The following CACHD1 variants were observed in gnomAD, a reference collection of about 807,000 sequenced individuals.
CACHD1 encodes cache domain containing 1.
In CACHD1, 71 loss-of-function variants were observed where a neutral mutation model predicts 138.7. The observed-to-expected ratio is 0.51, with a 90% CI of 0.42 to 0.62. The LOEUF is 0.62. Among genes scored for constraint, CACHD1 ranks in the 20% least tolerant of loss-of-function variants. The pLI is 0.00. For missense variants in CACHD1, 1,389 were observed against 1,625.3 expected (o/e 0.85, Z 2.50); for synonymous variants, 578 against 591.5 (o/e 0.98, Z 0.33).
chr1:64,645,494 G>T (rs895088373), intron 8 of CACHD1, among the ~76,000 whole-genome samples: 2 of 151,964 alleles, frequency 1.3e-5, no homozygotes, highest in Non-Finnish European at 2.9e-5. Flanking sequence ...ATTTAAAAAA[G>T]AGTTTATTGT....
At chr1:64,544,681 CTG>C (rs999727483) in intron 1 of CACHD1, among the ~76,000 whole-genome samples, 3 of 151,156 alleles carry the variant, frequency 2.0e-5, no homozygotes, top group Non-Finnish European at 4.4e-5. Context: ...CTGTATTCAA[CTG>C]TTATTATGTG....
chr1:64,582,521 C>A (rs1647021041), intron 3 of CACHD1, among the ~76,000 whole-genome samples: 1 of 152,182 alleles, frequency 6.6e-6, no homozygotes, highest in Middle Eastern at 3.4e-3. Flanking sequence ...CCCTACTCAC[C>A]TTTTTCTCCT....
At position 64,676,001 on chromosome 1, in the gene CACHD1, AAT is replaced by A. The variant is rs1491559876; in HGVS notation, c.2975+20_2975+21del. 5,322 of 166,140 alleles carry A rather than the reference AAT, an allele frequency of 0.032. 248 individuals are homozygous for A. In the African/African-American group the frequency reaches 0.34, roughly 10 times the overall value. The allele number at this position is 166,140 out of a possible 1,614,324, so 10.3% of individuals were successfully genotyped here. On this transcript the variant is annotated intron_variant, in intron 21 of 26. Coordinates refer to ENST00000651257, the MANE Select transcript of CACHD1 (RefSeq NM_020925.4). Reference sequence around the variant, plus strand: ...GAGAACCGGTAAAATAATTAATAATAATAATAATAATAATAATAATAATAATA... The same window carrying A: ...GAGAACCGGTAAAATAATTAATAATAAATAATAATAATAATAATAATAATA...
intron 1 of CACHD1, among the ~76,000 whole-genome samples, chr1:64,488,165 A>G (rs1443385269): frequency 2.0e-5 from 3 of 152,202 alleles, no homozygotes; most frequent in African/African-American, 7.2e-5. Flanking sequence ...ACTAAAATAC[A>G]TGATTTTTAT....
chr1:64,529,303 A>G (rs1646563910), intron 1 of CACHD1, among the ~76,000 whole-genome samples: 1 of 152,100 alleles, frequency 6.6e-6, no homozygotes, highest in Non-Finnish European at 1.5e-5. Context: ...TGCGTCTTTC[A>G]TTTTGACTAG....
At chr1:64,541,094 A>G (rs1181381173) in intron 1 of CACHD1, among the ~76,000 whole-genome samples, 5 of 152,230 alleles carry the variant, frequency 3.3e-5, no homozygotes, top group Non-Finnish European at 7.3e-5. Flanking sequence ...TGTTGAGAGA[A>G]GGGGAACATT....
rs563964902 is a variant in CACHD1, at chr1:64,599,407, G to C, written c.411-3399G>C. 1.4e-3 allele frequency among the ~76,000 whole-genome samples: 215 copies of C among 152,248 alleles called. 2 individuals carry two copies. Among genetic ancestry groups the C allele is most frequent in the African/African-American group, 5.1e-3 (211 of 41,548 alleles). On this transcript the variant is annotated intron_variant, in intron 3 of 26. Transcript: ENST00000651257. ...AGGAGGAAGGACTCATCATGGGCCA[G>C]TACTAGGGAGAAATTTGAAAGAGGA...
chr1:64,586,088 G>A (rs1397042142), intron 3 of CACHD1, among the ~76,000 whole-genome samples: 1 of 152,082 alleles, frequency 6.6e-6, no homozygotes, highest in African/African-American at 2.4e-5. Context: ...TTTGGAGATA[G>A]AGTCTCACTC....
intron 2 of CACHD1, among the ~76,000 whole-genome samples, chr1:64,566,425 C>T (rs1646880746): frequency 1.4e-5 from 2 of 138,598 alleles, no homozygotes; most frequent in Admixed American, 1.7e-4. Context: ...GGTTAGAGAA[C>T]TGATTTGAAA....
At chr1:64,499,082 C>T (rs1646323350) in intron 1 of CACHD1, among the ~76,000 whole-genome samples, 1 of 152,202 alleles carries the variant, frequency 6.6e-6, no homozygotes. Flanking sequence ...GCTCCAGCAT[C>T]TCGTATCAGC....
At chr1:64,664,817 G>GT in intron 15 of CACHD1, 138 bp downstream of exon 15, 1 of 692,264 alleles carries the variant, frequency 1.4e-6, no homozygotes, top group Non-Finnish European at 2.3e-6. Context: ...TTCCTGAATA[G>GT]TTTTTTCAGT....
At chr1:64,492,395 T>TTTTTTTTTTTTTTTTTTTTGAG (rs1232760080) in intron 1 of CACHD1, among the ~76,000 whole-genome samples, 1 of 144,354 alleles carries the variant, frequency 6.9e-6, no homozygotes, top group Non-Finnish European at 1.5e-5. Flanking sequence ...ATTGTTTTCT[T>TTTTTTTTTTTTTTTTTTTTGAG]AAAACAAGCC....
intron 1 of CACHD1, among the ~76,000 whole-genome samples, chr1:64,543,954 G>C (rs1646698537): frequency 7.1e-6 from 1 of 140,014 alleles, no homozygotes; most frequent in Non-Finnish European, 1.5e-5. Context: ...CAAAGGGCTA[G>C]GATTACAGGC....
chr1:64,534,977 GC>G (rs1200488955), intron 1 of CACHD1, among the ~76,000 whole-genome samples: 4 of 152,212 alleles, frequency 2.6e-5, no homozygotes, highest in Admixed American at 1.3e-4. Context: ...ATTCTGCCAA[GC>G]CTTAGTTTCC....
chr1:64,484,736 T>C (rs1335699287), intron 1 of CACHD1, among the ~76,000 whole-genome samples: 1 of 152,268 alleles, frequency 6.6e-6, no homozygotes, highest in Admixed American at 6.5e-5. Flanking sequence ...AAACAACATT[T>C]GTCCTTCTGT....
intron 1 of CACHD1, chr1:64,506,469 C>A (rs1194255775): frequency 6.6e-6 from 1 of 152,200 alleles, no homozygotes; most frequent in African/African-American, 2.4e-5. Context: ...TTTGTTTGAT[C>A]TTCCCAACCA....
At chr1:64,664,360 C>T (rs1649555406) in intron 14 of CACHD1, 138 bp from the exon 15 acceptor site, 4 of 736,660 alleles carry the variant, frequency 5.4e-6, no homozygotes, top group Non-Finnish European at 8.7e-6. Context: ...TGGTTGCATC[C>T]ATCTGCTGTG....
At chr1:64,675,598 A>G (rs751012802) in intron 20 of CACHD1, 37 bp downstream of exon 20, 37 of 1,568,962 alleles carry the variant, frequency 2.4e-5, no homozygotes, top group Non-Finnish European at 3.2e-5. Flanking sequence ...TGTTCACCAC[A>G]CTGTTTAATA....
chr1:64,522,636 A>G (rs1359411772), intron 1 of CACHD1, among the ~76,000 whole-genome samples: 1 of 152,124 alleles, frequency 6.6e-6, no homozygotes, highest in Non-Finnish European at 1.5e-5. Context: ...GTAAGATGTT[A>G]TCAATGGGGG....
Sources: allele counts gnomAD v4.1 joint callset (sites outside exome capture counted in the v4.1 genomes callset), GRCh38; gene constraint gnomAD v4.1.1; transcripts MANE v1.5; gene names NCBI Gene and HGNC (gene_info 2026-07-23, HGNC 2026-07-21).